PCDH15: variants seen among roughly 807,000 people sequenced by gnomAD.
PCDH15 encodes protocadherin related 15, also known as protocadherin-15.
A neutral mutation model predicts 178.5 loss-of-function variants in PCDH15; 129 were observed. The ratio of observed to expected loss-of-function variants is 0.72; its 90% CI spans 0.63 to 0.84. The LOEUF (loss-of-function observed/expected upper bound fraction) is 0.84, where lower values mean the gene tolerates loss of function less well. Among genes scored for constraint, PCDH15 ranks in the 40% least tolerant of loss-of-function variants. The probability of loss-of-function intolerance (pLI) is 0.00; values close to 1 mark genes in which losing one functional copy is unlikely to be tolerated. For missense variants in PCDH15, 2,230 were observed against 2,099.9 expected (o/e 1.06, Z -1.21); for synonymous variants, 800 against 732.0 (o/e 1.09, Z -1.50).
chr10:54,409,801 G>A (rs538039746), intron 3 of PCDH15, among the ~76,000 whole-genome samples: 2 of 152,140 alleles, frequency 1.3e-5, no homozygotes, highest in South Asian at 4.1e-4. Context: ...CCCATGTTGA[G>A]ACTGGTGGCT....
At chr10:54,813,743 CATT>C (rs1952903049) in intron 3 of PCDH15, among the ~76,000 whole-genome samples, 1 of 152,190 alleles carries the variant, frequency 6.6e-6, no homozygotes, top group Non-Finnish European at 1.5e-5. Flanking sequence ...TTCTGCACAT[CATT>C]ATCAGAATGA....
intron 1 of PCDH15, among the ~76,000 whole-genome samples, chr10:55,207,178 C>T (rs891969277): frequency 6.6e-6 from 1 of 152,024 alleles, no homozygotes; most frequent in Non-Finnish European, 1.5e-5. Context: ...TAATTTAGCA[C>T]TTACAACATG....
At chr10:54,880,942 T>C (rs1954251671) in intron 3 of PCDH15, among the ~76,000 whole-genome samples, 1 of 151,856 alleles carries the variant, frequency 6.6e-6, no homozygotes, top group Non-Finnish European at 1.5e-5. Flanking sequence ...AAGCGAGTTG[T>C]ATCTAAAGGA....
chr10:54,723,940 A>T (rs1942068050), intron 1 of PCDH15, among the ~76,000 whole-genome samples: 1 of 151,724 alleles, frequency 6.6e-6, no homozygotes, highest in Admixed American at 6.6e-5. Flanking sequence ...ACTGTTGGTG[A>T]GAATGTTAAT....
In PCDH15 at chr10:54,067,253, GT is replaced by G. The variant is rs1403237975; in HGVS notation, c.2092-369del. Among the ~76,000 whole-genome samples, 4 of 152,036 alleles carry G rather than the reference GT, an allele frequency of 2.6e-5. No homozygotes were observed. In the East Asian group the frequency reaches 7.7e-4, roughly 29 times the overall value. On this transcript the variant is annotated intron_variant, in intron 17 of 37. Transcript: ENST00000644397. Reference sequence around the variant, plus strand: ...ATCTCTGAAATGTGCCATTTCTGTAGTTTTTGCTGCTTGTATGTTTGACTGT... The same window carrying G: ...ATCTCTGAAATGTGCCATTTCTGTAGTTTTGCTGCTTGTATGTTTGACTGT...
intron 1 of PCDH15, among the ~76,000 whole-genome samples, chr10:54,773,109 G>A (rs1224476484): frequency 1.3e-5 from 2 of 151,844 alleles, no homozygotes; most frequent in African/African-American, 2.4e-5. Flanking sequence ...GGGGTGGGGG[G>A]CAGGGAGAAC....
intron 2 of PCDH15, among the ~76,000 whole-genome samples, chr10:55,538,592 TCCTTCCTTCCTTTCCTTCCTTCCTTCCTC>T (rs1841659954): frequency 2.3e-5 from 1 of 43,584 alleles, no homozygotes; most frequent in African/African-American, 9.6e-5. Flanking sequence ...CTTCCTTCCT[TCCTTCCTTCCTTTCCTTCCTTCCTTCCTC>T]CTTTCCTTCC....
At chr10:54,237,763 T>C (rs891898186) in intron 8 of PCDH15, among the ~76,000 whole-genome samples, 9 of 152,222 alleles carry the variant, frequency 5.9e-5, no homozygotes, top group African/African-American at 1.7e-4. Context: ...GTGATCATAA[T>C]AGATATGCTA....
At chr10:54,827,713 A>C (rs536743804) in intron 3 of PCDH15, among the ~76,000 whole-genome samples, 1 of 152,076 alleles carries the variant, frequency 6.6e-6, no homozygotes, top group East Asian at 1.9e-4. Context: ...ATTATTGTAG[A>C]GCTAATCACC....
chr10:54,469,030 TTCTTTACAGGTGAGATGTGTTCC>T (rs1470575186), intron 3 of PCDH15, among the ~76,000 whole-genome samples: 1 of 152,200 alleles, frequency 6.6e-6, no homozygotes, highest in East Asian at 1.9e-4. Flanking sequence ...ATCTATATGT[TTCTTTACAGGTGAGATGTGTTCC>T]TTGTAGGCAG....
At chr10:55,143,200 AC>A (rs202231525) in intron 2 of PCDH15, among the ~76,000 whole-genome samples, 9 of 15,570 alleles carry the variant, frequency 5.8e-4, no homozygotes, top group African/African-American at 1.1e-3. Flanking sequence ...AGTCAATTAA[AC>A]CTTTTTTTTT....
At chr10:54,862,348 T>C (rs941167993) in intron 3 of PCDH15, among the ~76,000 whole-genome samples, 4 of 152,228 alleles carry the variant, frequency 2.6e-5, no homozygotes, top group Admixed American at 2.0e-4. Flanking sequence ...GAAAATAACA[T>C]ATAAAGTACA....
intron 33 of PCDH15, among the ~76,000 whole-genome samples, chr10:53,819,140 C>A (rs909179484): frequency 6.6e-6 from 1 of 151,862 alleles, no homozygotes; most frequent in Non-Finnish European, 1.5e-5. Flanking sequence ...CAACTTTTAC[C>A]AAATTTATAT....
intron 1 of PCDH15, among the ~76,000 whole-genome samples, chr10:55,185,324 A>G (rs769613154): frequency 1.1e-4 from 17 of 151,802 alleles, no homozygotes; most frequent in African/African-American, 4.1e-4. Flanking sequence ...TTAATGACCT[A>G]GTTTGTAAAT....
chr10:54,028,520 A>G (rs2135393381), intron 18 of PCDH15, among the ~76,000 whole-genome samples: 1 of 152,108 alleles, frequency 6.6e-6, no homozygotes, highest in East Asian at 1.9e-4. Context: ...TCACGATAGC[A>G]AAGTCTTGGA....
chr10:54,971,966 G>T (rs923609467), intron 2 of PCDH15, among the ~76,000 whole-genome samples: 1 of 152,122 alleles, frequency 6.6e-6, no homozygotes, highest in Admixed American at 6.5e-5. Flanking sequence ...CCCCAGGCAG[G>T]ACACTGTCGA....
At chr10:55,554,970 G>A (rs1052404477) in intron 2 of PCDH15, among the ~76,000 whole-genome samples, 5 of 151,978 alleles carry the variant, frequency 3.3e-5, no homozygotes, top group Non-Finnish European at 7.4e-5. Flanking sequence ...CCTGAAAAGG[G>A]TTTATGGGTT....
intron 1 of PCDH15, among the ~76,000 whole-genome samples, chr10:54,762,101 A>T (rs1441094837): frequency 6.6e-6 from 1 of 152,128 alleles, no homozygotes; most frequent in Non-Finnish European, 1.5e-5. Context: ...TTTAACCTTG[A>T]ATCACATTTT....
intron 2 of PCDH15, among the ~76,000 whole-genome samples, chr10:55,057,619 C>G (rs1841336186): frequency 6.6e-6 from 1 of 152,092 alleles, no homozygotes; most frequent in African/African-American, 2.4e-5. Flanking sequence ...ACCTTTTCTT[C>G]CTAACCTCTT....
Sources: gnomAD v4.1 joint callset for allele counts (sites outside exome capture counted in the v4.1 genomes callset) on GRCh38, gnomAD v4.1.1 for gene constraint, MANE v1.5 for transcripts, NCBI Gene and HGNC (gene_info 2026-07-23, HGNC 2026-07-21) for gene names.